Variants in CDC42BPG observed in about 807,000 individuals in gnomAD.
The protein encoded by CDC42BPG is serine/threonine-protein kinase MRCK gamma.
In CDC42BPG, 157 loss-of-function variants were observed where a neutral mutation model predicts 192.2. The ratio of observed to expected loss-of-function variants is 0.82; its 90% CI spans 0.72 to 0.93. The LOEUF (loss-of-function observed/expected upper bound fraction) is 0.93. CDC42BPG is among the 40% of genes least tolerant of loss of function. The pLI, the probability that CDC42BPG is intolerant of heterozygous loss-of-function variation, is 0.00. For synonymous variants in CDC42BPG, 981 were observed against 918.5 expected, an observed-to-expected ratio of 1.07 and a Z score of -1.23; for missense variants, 1,992 against 2,122.1, an observed-to-expected ratio of 0.94 and a Z score of 1.20.
chr11:64,838,257 T>A, intron 8 of CDC42BPG, 95 bp from the exon 9 acceptor site: 1 of 926,422 alleles, frequency 1.1e-6, no homozygotes, highest in Non-Finnish European at 1.6e-6. Flanking sequence ...GACCACCTCC[T>A]GCACAGGTGG....
chr11:64,842,033 G>A lies in CDC42BPG; in HGVS notation c.161-129C>T, dbSNP rs540935510. 308 of 702,558 alleles carry A rather than the reference G, an allele frequency of 4.4e-4. 2 individuals are homozygous for A. Among genetic ancestry groups the A allele is most frequent in the Non-Finnish European group, 6.4e-4 (260 of 403,824 alleles). The allele number at this position is 702,558 out of a possible 1,614,324, so 43.5% of individuals were successfully genotyped here. On this transcript the variant is annotated intron_variant, in intron 1 of 36. Transcript: ENST00000342711. ...GGATGACCTCCCCAGGGACAGCCTC[G>A]GGCCAAGGGGTTGTGGCAGGAACTG...
chr11:64,837,973 T>C (rs1442435906), intron 9 of CDC42BPG, 110 bp downstream of exon 9: 13 of 905,874 alleles, frequency 1.4e-5, no homozygotes, highest in Non-Finnish European at 2.1e-5. Flanking sequence ...ATGCAGATAC[T>C]GGGGAGCCCT....
chr11:64,841,994 GTGA>G, intron 1 of CDC42BPG, 90 bp from the exon 2 acceptor site: 3 of 1,069,356 alleles, frequency 2.8e-6, no homozygotes, highest in Non-Finnish European at 4.2e-6. Flanking sequence ...TGCCGCTCCT[GTGA>G]GCCCAGGCAG....
At position 64,829,596 on chromosome 11, in the gene CDC42BPG, C is replaced by G; in HGVS notation, c.3842G>C (p.Gly1281Ala). The G allele has an allele frequency of 1.2e-6, 2 of 1,612,224 alleles. No homozygotes were observed. The highest frequency in any genetic ancestry group is 1.7e-6 in the Non-Finnish European group (2 of 1,179,582). The change falls in exon 30 of 37, where the codon GGT (glycine) becomes GCT (alanine). Residue 1281 changes from glycine (G) to alanine (A), a missense_variant. Coordinates refer to ENST00000342711, the MANE Select transcript of CDC42BPG (RefSeq NM_017525.3). ...PSRGGLGEAL[G>A]AVELSLSEFL... ...CTCGCTGAGGCTAAGCTCCACGGCA[C>G]CCAGTGCCTCACCCAGGCCCCCGCG...
chr11:64,831,819 G>T, intron 27 of CDC42BPG, 98 bp from the exon 28 acceptor site: 2 of 1,098,956 alleles, frequency 1.8e-6, no homozygotes, highest in Non-Finnish European at 2.6e-6. Flanking sequence ...GGGGCCTAGC[G>T]TGCACTGTCA....
Position 64,834,539 on chromosome 11 carries a change from C to A in CDC42BPG, c.2214G>T (p.Glu738Asp). 2 of 1,587,572 alleles carry A rather than the reference C, an allele frequency of 1.3e-6. No individual in the cohort carries two copies. Among genetic ancestry groups the A allele is most frequent in the Non-Finnish European group, 1.7e-6 (2 of 1,164,166 alleles). ...ACTGCAGCTCCAGCCTGGCCGAGGC[C>A]TCCATCTTCTGCAGTCGCCGCGCCT... The part of the protein sequence containing the change: ...QWKARRLQKM[E>D]ASARLELQSA... Residue 738 changes from glutamate (E) to aspartate (D), a missense_variant, in exon 19 of 37, where the codon GAG (glutamate) becomes GAT (aspartate). Glu to Asp is a conservative substitution (Grantham distance 45). Around this residue, in one of 2 missense-constraint regions of CDC42BPG, gnomAD observed 1,656 missense variants for 1,844.3 expected, o/e 0.90. Coordinates refer to ENST00000342711, the MANE Select transcript of CDC42BPG (RefSeq NM_017525.3).
intron 9 of CDC42BPG, 149 bp downstream of exon 9, chr11:64,837,934 C>G (rs1943093608): frequency 5.7e-6 from 4 of 697,152 alleles, no homozygotes; most frequent in Non-Finnish European, 5.1e-6. Flanking sequence ...CACCAGGACC[C>G]CGAGGATGAG....
rs542522485 is a variant in CDC42BPG at position 64,824,310 on chromosome 11, A to G, written c.*163T>C. On this transcript the variant is annotated 3_prime_UTR_variant, in exon 37 of 37. Transcript: ENST00000342711. ...ATGAGGGCTGGGAGTCAGGACCCCC[A>G]AGTCCTGGGAACCCAGGCAAGTCTC... is the stretch of plus-strand genomic sequence containing the variant. 3 of 709,114 alleles carry G rather than the reference A, an allele frequency of 4.2e-6. No homozygotes were observed. Among genetic ancestry groups the G allele is most frequent in the Non-Finnish European group, 7.8e-6 (3 of 382,366 alleles). 43.9% of individuals were successfully genotyped at this position (709,114 alleles called of 1,614,324 possible).
chr11:64,833,973 G>T lies in CDC42BPG; in HGVS notation c.2418C>A (p.Thr806=). 1 of 1,614,212 alleles carries T rather than the reference G, an allele frequency of 6.2e-7. No homozygotes were observed. Among genetic ancestry groups the T allele is most frequent in the Non-Finnish European group, 8.5e-7 (1 of 1,180,024 alleles). The change falls in exon 21 of 37, where the codon ACC becomes ACA. Residue 806 remains threonine (T), a synonymous_variant. Coordinates refer to ENST00000342711, the MANE Select transcript of CDC42BPG (RefSeq NM_017525.3). ...AGGGAATCAGGGAGTTTGAGGGCTT[G>T]GTGTCTGCAAAGAAAGGGTGGGTCA... ...EELRARGPVD[T]KPSNSLIPFL...
chr11:64,827,187 T>C lies in CDC42BPG; in HGVS notation c.4272-20A>G, dbSNP rs2136245194. 6.2e-7 allele frequency: 1 copy of C among 1,613,244 alleles called. No homozygotes were observed. Among genetic ancestry groups the C allele is most frequent in the Non-Finnish European group, 8.5e-7 (1 of 1,179,264 alleles). The stretch of plus-strand genomic sequence containing the variant: ...ATCTCCCTGTGGGCGGAGGTGTAAG[T>C]AGTGGGTGGCGAAGCTCCACCCTCC... On this transcript the variant is annotated intron_variant, in intron 33 of 36. Coordinates refer to ENST00000342711, the MANE Select transcript of CDC42BPG (RefSeq NM_017525.3).
intron 5 of CDC42BPG, 84 bp from the exon 6 acceptor site, chr11:64,839,655 G>A (rs572768137): frequency 3.9e-5 from 43 of 1,112,378 alleles, no homozygotes; most frequent in Admixed American, 8.4e-5. Context: ...GCACATGCAC[G>A]GTGTGTGCCA....
chr11:64,832,545 G>A, intron 26 of CDC42BPG, 36 bp from the exon 27 acceptor site: 1 of 1,613,908 alleles, frequency 6.2e-7, no homozygotes, highest in Non-Finnish European at 8.5e-7. Flanking sequence ...AAATCTCCCT[G>A]TCCCTGACTG....
intron 1 of CDC42BPG, among the ~76,000 whole-genome samples, chr11:64,842,269 C>T (rs920644277): frequency 2.0e-5 from 3 of 152,176 alleles, no homozygotes; most frequent in Admixed American, 6.5e-5. Context: ...TTCCTACCCC[C>T]ACCTCACAGT....
rs374016036 is a variant in CDC42BPG at position 64,835,109 on chromosome 11, C to T, written c.1998G>A (p.Leu666=). The T allele has an allele frequency of 6.2e-7, 1 of 1,602,390 alleles. No individual in the cohort carries two copies. The highest frequency in any genetic ancestry group is 8.5e-7 in the Non-Finnish European group (1 of 1,179,834). Residue 666 remains leucine, a synonymous_variant, in exon 17 of 37, where the codon CTG becomes CTA. Coordinates refer to ENST00000342711, the MANE Select transcript of CDC42BPG (RefSeq NM_017525.3). ...LAQEQESKQR[L]EGERRETESN... The stretch of plus-strand genomic sequence containing the variant: ...TCTCCGTCTCCCGCCGCTCACCCTC[C>T]AGCCGCTGCTTGCTCTCCTGCTCCT...
chr11:64,836,710 G>GGGGGGT (rs1943017736), intron 11 of CDC42BPG, 29 bp downstream of exon 11: 10 of 704,792 alleles, frequency 1.4e-5, no homozygotes, highest in Middle Eastern at 4.6e-4. Context: ...CAGCCCTGGG[G>GGGGGGT]GGGGGGGGGG....
intron 30 of CDC42BPG, among the ~76,000 whole-genome samples, chr11:64,828,689 G>T (rs764504115): frequency 1.3e-5 from 2 of 151,898 alleles, no homozygotes; most frequent in African/African-American, 4.8e-5. Context: ...CCGCGCGGGA[G>T]GATTGCTTGA....
chr11:64,827,221 C>A (rs373974106), intron 33 of CDC42BPG, 54 bp from the exon 34 acceptor site: 2 of 1,613,254 alleles, frequency 1.2e-6, no homozygotes, highest in African/African-American at 1.3e-5. Flanking sequence ...CCCTTCGACC[C>A]GTCCACAAGC....
chr11:64,826,036 C>T (rs1251022378), intron 36 of CDC42BPG, among the ~76,000 whole-genome samples: 1 of 138,370 alleles, frequency 7.2e-6, no homozygotes, highest in Non-Finnish European at 1.5e-5. Context: ...CACTGCACTC[C>T]AGTCTGGGTG....
In CDC42BPG at chr11:64,831,593, C is replaced by G. The variant is rs376459497; in HGVS notation, c.3216G>C (p.Arg1072=). The G allele has an allele frequency of 3.1e-6, 5 of 1,612,136 alleles. No homozygotes were observed. In the South Asian group the frequency reaches 4.4e-5, roughly 14 times the overall value. ...GTGTGTACACGGGCCGGGGTCTTGG[C>G]CGCGCGTCCAGCAGCAGCCGCTGCA... ...GELQRLLLDA[R]PRPRPVYTLK... is the part of the protein sequence containing the mutation. Residue 1072 remains arginine, a synonymous_variant, in exon 28 of 37, where the codon CGG becomes CGC. Coordinates refer to ENST00000342711, the MANE Select transcript of CDC42BPG (RefSeq NM_017525.3).
Sources: gnomAD v4.1 joint callset for allele counts (sites outside exome capture counted in the v4.1 genomes callset) on GRCh38, gnomAD v4.1.1 for gene constraint, gnomAD v4.1.1 regional missense constraint, MANE v1.5 for transcripts, NCBI Gene and HGNC (gene_info 2026-07-23, HGNC 2026-07-21) for gene names.